Variants in TSPAN9 observed in about 807,000 individuals in gnomAD.
TSPAN9 encodes tetraspanin-9.
In TSPAN9, 16 loss-of-function variants were observed where a neutral mutation model predicts 31.0. The ratio of observed to expected loss-of-function variants is 0.52; its 90% confidence interval spans 0.35 to 0.78. The LOEUF is 0.78. Among genes scored for constraint, TSPAN9 ranks in the 30% least tolerant of loss-of-function variants. The probability of loss-of-function intolerance (pLI) is 0.01; values close to 1 mark genes in which losing one functional copy is unlikely to be tolerated. For synonymous variants in TSPAN9, 145 were observed against 121.6 expected (o/e 1.19, Z -1.27); for missense variants, 272 against 312.5 (o/e 0.87, Z 0.98).
Position 3,144,236 on chromosome 12 carries a change from G to A in TSPAN9, c.-17-56941G>A, listed in dbSNP as rs184782157. Among the ~76,000 whole-genome samples the A allele has an allele frequency of 3.7e-3, 568 of 152,244 alleles. 2 individuals carry two copies. Among genetic ancestry groups the A allele is most frequent in the African/African-American group, 0.013 (549 of 41,552 alleles). On this transcript the variant is annotated intron_variant, in intron 2 of 8. Coordinates refer to ENST00000011898, the MANE Select transcript of TSPAN9 (RefSeq NM_006675.5). Reference sequence around the variant, plus strand: ...CTGCCTCAGCCACCCTAGTAGCTGGGATTACAGGCACCTGCCACCACGCCC... The same window carrying A: ...CTGCCTCAGCCACCCTAGTAGCTGGAATTACAGGCACCTGCCACCACGCCC...
intron 2 of TSPAN9, among the ~76,000 whole-genome samples, chr12:3,164,791 G>C (rs2098347419): frequency 6.6e-6 from 1 of 152,180 alleles, no homozygotes. Context: ...GCCACCAATG[G>C]GCCACAGTGG....
chr12:3,220,018 G>A (rs548199317), intron 3 of TSPAN9, among the ~76,000 whole-genome samples: 4 of 152,132 alleles, frequency 2.6e-5, no homozygotes, highest in African/African-American at 9.6e-5. Flanking sequence ...AGTGGCGCAT[G>A]CTTGTAGTCC....
At chr12:3,188,328 G>T (rs1372756410) in intron 2 of TSPAN9, among the ~76,000 whole-genome samples, 1 of 152,220 alleles carries the variant, frequency 6.6e-6, no homozygotes, top group Non-Finnish European at 1.5e-5. Flanking sequence ...GGCCTGCTCT[G>T]TGCCCTGCCA....
intron 3 of TSPAN9, among the ~76,000 whole-genome samples, chr12:3,253,671 T>G (rs1862295438): frequency 1.3e-5 from 2 of 152,224 alleles, no homozygotes; most frequent in African/African-American, 4.8e-5. Flanking sequence ...TCATTAAAGG[T>G]CCACAGGGTG....
intron 2 of TSPAN9, among the ~76,000 whole-genome samples, chr12:3,167,298 G>C (rs540615014): frequency 4.3e-4 from 65 of 152,326 alleles, no homozygotes; most frequent in Middle Eastern, 3.4e-3. Flanking sequence ...GTAGGAATGG[G>C]ATTTTGAACA....
At chr12:3,181,323 A>T (rs1027590890) in intron 2 of TSPAN9, among the ~76,000 whole-genome samples, 2 of 152,202 alleles carry the variant, frequency 1.3e-5, no homozygotes, top group African/African-American at 4.8e-5. Flanking sequence ...TTGGACATTT[A>T]TTGTATCCAT....
chr12:3,148,869 G>T (rs1293057893), intron 2 of TSPAN9, among the ~76,000 whole-genome samples: 1 of 152,182 alleles, frequency 6.6e-6, no homozygotes, highest in African/African-American at 2.4e-5. Context: ...CACGTCCAAG[G>T]CTGGGTGGGA....
chr12:3,120,805 G>A (rs1452616007), intron 2 of TSPAN9, among the ~76,000 whole-genome samples: 2 of 152,250 alleles, frequency 1.3e-5, no homozygotes, highest in East Asian at 1.9e-4. Flanking sequence ...AGGTGAGGCC[G>A]AGCTCTTCCA....
Position 3,192,479 on chromosome 12 carries a change from A to G in TSPAN9, c.-17-8698A>G, listed in dbSNP as rs377105739. ...TGCTTCGAGGTGGGAGCAAGTGACA[A>G]CCGGGAGCCAAGGATGAGTCTGAGG... On this transcript the variant is annotated intron_variant, in intron 2 of 8. Coordinates refer to ENST00000011898, the MANE Select transcript of TSPAN9 (RefSeq NM_006675.5). The surrounding 1 kb of genome is among the most constrained non-coding windows in gnomAD (Gnocchi z 4.6). 3.9e-4 allele frequency among the ~76,000 whole-genome samples: 60 copies of G among 152,248 alleles called. No homozygotes were observed. The highest frequency in any genetic ancestry group is 1.3e-3 in the African/African-American group (56 of 41,538).
At chr12:3,106,748 G>A in intron 2 of TSPAN9, among the ~76,000 whole-genome samples, 1 of 150,900 alleles carries the variant, frequency 6.6e-6, no homozygotes, top group South Asian at 2.1e-4. Flanking sequence ...TCCAGCCTGG[G>A]CAACAGAGTG....
At chr12:3,169,784 A>C (rs2098350713) in intron 2 of TSPAN9, among the ~76,000 whole-genome samples, 1 of 152,106 alleles carries the variant, frequency 6.6e-6, no homozygotes, top group African/African-American at 2.4e-5. Context: ...TTTGAATGAC[A>C]TTTGAAGGCA....
At chr12:3,158,720 T>TCA (rs2098343597) in intron 2 of TSPAN9, among the ~76,000 whole-genome samples, 1 of 8,196 alleles carries the variant, frequency 1.2e-4, no homozygotes, top group Non-Finnish European at 4.0e-4. Context: ...AGACTCTGTC[T>TCA]CAAAAAAAAA....
chr12:3,161,772 AATCTATCTATCTATCTATCTATCT>A (rs79768137), intron 2 of TSPAN9, among the ~76,000 whole-genome samples: 6 of 150,230 alleles, frequency 4.0e-5, no homozygotes, highest in Non-Finnish European at 7.4e-5. Flanking sequence ...CTTGGGTTGA[AATCTATCTATCTATCTATCTATCT>A]ATCTATCTAT....
At chr12:3,225,670 G>GC (rs536499233) in intron 3 of TSPAN9, among the ~76,000 whole-genome samples, 283 of 152,168 alleles carry the variant, frequency 1.9e-3, no homozygotes, top group African/African-American at 6.6e-3. Context: ...TGGGCAGACG[G>GC]CCCCCCGCCC....
At chr12:3,211,541 T>G in intron 3 of TSPAN9, 2 of 779,956 alleles carry the variant, frequency 2.6e-6, no homozygotes, top group Non-Finnish European at 4.0e-6. Context: ...CTTTTGATAT[T>G]TTGGTTGACC....
Position 3,100,123 on chromosome 12 carries a change from C to T in TSPAN9, c.-18+16404C>T, listed in dbSNP as rs548714046. 4.8e-3 allele frequency among the ~76,000 whole-genome samples: 727 copies of T among 152,198 alleles called. 5 individuals are homozygous for T. The highest frequency in any genetic ancestry group is 7.9e-3 in the Non-Finnish European group (538 of 68,004). ...CCTCCCAAAGTGCTGGGATTACAGG[C>T]TTGAGCCACCGCGCCCGGCCAAGGT... On this transcript the variant is annotated intron_variant, in intron 2 of 8. Transcript: ENST00000011898.
chr12:3,130,944 G>A (rs1397139146), intron 2 of TSPAN9, among the ~76,000 whole-genome samples: 1 of 152,122 alleles, frequency 6.6e-6, no homozygotes, highest in South Asian at 2.1e-4. Context: ...GGGGTCTTAC[G>A]TTGTAGCCGC....
intron 3 of TSPAN9, among the ~76,000 whole-genome samples, chr12:3,225,041 T>C (rs2098386456): frequency 6.6e-6 from 1 of 152,148 alleles, no homozygotes; most frequent in African/African-American, 2.4e-5. Context: ...GTGCACAGGA[T>C]CCCATAGCCC....
At chr12:3,216,609 GC>G (rs1367520943) in intron 3 of TSPAN9, among the ~76,000 whole-genome samples, 7 of 152,256 alleles carry the variant, frequency 4.6e-5, no homozygotes, top group Admixed American at 4.6e-4. Flanking sequence ...TGGGCACAGG[GC>G]CTGCAGGGCT....
Sources: allele counts gnomAD v4.1 joint callset (sites outside exome capture counted in the v4.1 genomes callset), GRCh38; gene constraint gnomAD v4.1.1; non-coding constraint Gnocchi (gnomAD v3.1); transcripts MANE v1.5; gene names NCBI Gene and HGNC (gene_info 2026-07-23, HGNC 2026-07-21).